Variants in SLC9A2 observed in about 807,000 individuals in gnomAD.
SLC9A2 encodes the protein sodium/hydrogen exchanger 2.
In SLC9A2, 42 loss-of-function variants were observed where a neutral mutation model predicts 71.7. The observed-to-expected ratio is 0.59, with a 90% CI of 0.46 to 0.76. SLC9A2 has a LOEUF of 0.76. Ranked by LOEUF, SLC9A2 falls within the 30% of genes least tolerant of loss-of-function variation. The pLI is 0.00. For missense variants in SLC9A2, 829 were observed against 1,017.4 expected, an observed-to-expected ratio of 0.81 and a Z score of 2.52; for synonymous variants, 396 against 392.5, an observed-to-expected ratio of 1.01 and a Z score of -0.10.
At chr2:102,688,683 TTGCCAC>T (rs1459546401) in intron 5 of SLC9A2, among the ~76,000 whole-genome samples, 2 of 151,946 alleles carry the variant, frequency 1.3e-5, no homozygotes, top group African/African-American at 4.8e-5. Flanking sequence ...AGCCGAGATT[TTGCCAC>T]TGCACTCCAG....
At chr2:102,699,671 G>A (rs1263957925) in intron 7 of SLC9A2, among the ~76,000 whole-genome samples, 3 of 152,152 alleles carry the variant, frequency 2.0e-5, no homozygotes, top group Non-Finnish European at 4.4e-5. Context: ...GTCTGCTAGG[G>A]CTGCCATAAC....
At chr2:102,683,751 TTCTC>T (rs1677498645) in intron 4 of SLC9A2, among the ~76,000 whole-genome samples, 1 of 97,438 alleles carries the variant, frequency 1.0e-5, no homozygotes, top group Non-Finnish European at 2.2e-5. Flanking sequence ...CTGTTTCTCT[TTCTC>T]CTCCTCTTCC....
At chr2:102,706,429 G>C (rs1004631211) in intron 11 of SLC9A2, among the ~76,000 whole-genome samples, 1 of 152,122 alleles carries the variant, frequency 6.6e-6, no homozygotes, top group Non-Finnish European at 1.5e-5. Context: ...CTGTTGTGGG[G>C]TCGGGGGAGT....
At chr2:102,631,023 G>A (rs903648616) in intron 1 of SLC9A2, among the ~76,000 whole-genome samples, 37 of 151,906 alleles carry the variant, frequency 2.4e-4, no homozygotes, top group African/African-American at 8.2e-4. Flanking sequence ...TTTGGTAAAC[G>A]TCTGTTTTCT....
At chr2:102,652,182 G>A (rs1017567109) in intron 1 of SLC9A2, among the ~76,000 whole-genome samples, 1 of 152,116 alleles carries the variant, frequency 6.6e-6, no homozygotes, top group Non-Finnish European at 1.5e-5. Flanking sequence ...AACTTATTGG[G>A]CAGCCTTGAT....
At chr2:102,654,426 C>T (rs1266290871) in intron 1 of SLC9A2, among the ~76,000 whole-genome samples, 1 of 151,960 alleles carries the variant, frequency 6.6e-6, no homozygotes, top group South Asian at 2.1e-4. Flanking sequence ...ATTATTGGAG[C>T]CTTTTGTAGT....
intron 11 of SLC9A2, among the ~76,000 whole-genome samples, chr2:102,706,325 C>CAAA (rs1321449192): frequency 1.9e-3 from 5 of 2,600 alleles, no homozygotes; most frequent in East Asian, 9.4e-3. Context: ...GACTCCGTCT[C>CAAA]AAAAAAAAAA....
In SLC9A2 at chr2:102,683,399, T is replaced by C. The variant is rs1232408754; in HGVS notation, c.1143T>C (p.Ser381=). ...TGATCTTCATCTTCATGGGTGTGTC[T>C]ACCGTGGGCAAGAACCACGAGTGGA... is the stretch of plus-strand genomic sequence containing the variant. ...ETLIFIFMGV[S]TVGKNHEWNW... is the part of the protein sequence containing the mutation. Residue 381 remains serine (S), a synonymous_variant, in exon 4 of 12, where the codon TCT becomes TCC. Coordinates refer to ENST00000233969, the MANE Select transcript of SLC9A2 (RefSeq NM_003048.6). 4 of 1,614,224 alleles carry C rather than the reference T, an allele frequency of 2.5e-6. No homozygotes were observed. Among genetic ancestry groups the C allele is most frequent in the Non-Finnish European group, 3.4e-6 (4 of 1,180,026 alleles).
At chr2:102,674,404 T>A (rs984057512) in intron 3 of SLC9A2, among the ~76,000 whole-genome samples, 1 of 152,152 alleles carries the variant, frequency 6.6e-6, no homozygotes, top group East Asian at 1.9e-4. Flanking sequence ...CTGTGTTGGC[T>A]TCTGGGGTGA....
At chr2:102,647,343 G>A (rs940028473) in intron 1 of SLC9A2, among the ~76,000 whole-genome samples, 1 of 152,148 alleles carries the variant, frequency 6.6e-6, no homozygotes, top group African/African-American at 2.4e-5. Flanking sequence ...ACACAGTAAA[G>A]CAGCATTAAG....
chr2:102,639,614 T>C (rs1300435117), intron 1 of SLC9A2, among the ~76,000 whole-genome samples: 1 of 152,240 alleles, frequency 6.6e-6, no homozygotes, highest in Non-Finnish European at 1.5e-5. Flanking sequence ...GAGTACATTA[T>C]CAGTGTTTTG....
intron 5 of SLC9A2, among the ~76,000 whole-genome samples, chr2:102,693,423 T>C (rs908509850): frequency 6.6e-6 from 1 of 152,264 alleles, no homozygotes; most frequent in African/African-American, 2.4e-5. Flanking sequence ...CTGGCTCTAA[T>C]AGAAATGCTT....
intron 5 of SLC9A2, among the ~76,000 whole-genome samples, chr2:102,687,647 G>A (rs749891669): frequency 5.3e-5 from 8 of 152,146 alleles, no homozygotes; most frequent in South Asian, 2.1e-4. Flanking sequence ...TTCACATGAT[G>A]TATGATGCAT....
chr2:102,661,631 A>G (rs554720528), intron 2 of SLC9A2, among the ~76,000 whole-genome samples: 15 of 152,330 alleles, frequency 9.8e-5, no homozygotes, highest in Admixed American at 8.5e-4. Flanking sequence ...CAAAGTTCAA[A>G]GTTCCTAACT....
At chr2:102,627,607 G>A (rs942849278) in intron 1 of SLC9A2, among the ~76,000 whole-genome samples, 1 of 151,690 alleles carries the variant, frequency 6.6e-6, no homozygotes, top group South Asian at 2.1e-4. Flanking sequence ...TTCTAATATT[G>A]TTATGTTTTT....
At chr2:102,705,215 A>G (rs767853973) in intron 10 of SLC9A2, among the ~76,000 whole-genome samples, 7 of 152,004 alleles carry the variant, frequency 4.6e-5, no homozygotes, top group African/African-American at 7.3e-5. Flanking sequence ...CAATAATAAC[A>G]ATAATAATAA....
chr2:102,663,709 C>T (rs986145809), intron 2 of SLC9A2, among the ~76,000 whole-genome samples: 1 of 152,214 alleles, frequency 6.6e-6, no homozygotes, highest in Non-Finnish European at 1.5e-5. Flanking sequence ...GGGTGTAGCA[C>T]AGCCTTTCTC....
At chr2:102,623,737 T>A (rs1676189370) in intron 1 of SLC9A2, among the ~76,000 whole-genome samples, 1 of 152,276 alleles carries the variant, frequency 6.6e-6, no homozygotes, top group African/African-American at 2.4e-5. Flanking sequence ...GGGGCACTTT[T>A]GTGCCATTTG....
intron 1 of SLC9A2, among the ~76,000 whole-genome samples, chr2:102,636,535 A>G (rs1031679487): frequency 2.0e-5 from 3 of 152,202 alleles, no homozygotes; most frequent in African/African-American, 7.2e-5. Context: ...AACAGAAAAT[A>G]TGGTTCCCAC....
Sources: allele counts gnomAD v4.1 joint callset (sites outside exome capture counted in the v4.1 genomes callset), GRCh38; gene constraint gnomAD v4.1.1; transcripts MANE v1.5; gene names NCBI Gene and HGNC (gene_info 2026-07-23, HGNC 2026-07-21).